CTNNA3: variants seen among roughly 807,000 people sequenced by gnomAD.
CTNNA3 encodes catenin alpha 3.
Under a neutral mutation model 95.7 loss-of-function variants are expected in CTNNA3, and 76 were observed. That is an observed-to-expected ratio of 0.79 (90% CI 0.66 to 0.96). The LOEUF (loss-of-function observed/expected upper bound fraction) is 0.96, where lower values mean the gene tolerates loss of function less well. Among genes scored for constraint, CTNNA3 ranks in the 40% least tolerant of loss-of-function variants. The pLI is 0.00. For missense variants in CTNNA3, 1,191 were observed against 1,089.8 expected, an observed-to-expected ratio of 1.09 and a Z score of -1.31; for synonymous variants, 431 against 374.4, an observed-to-expected ratio of 1.15 and a Z score of -1.74.
chr10:67,359,793 G>A (rs971125135), intron 5 of CTNNA3, among the ~76,000 whole-genome samples: 2 of 152,028 alleles, frequency 1.3e-5, no homozygotes, highest in Non-Finnish European at 2.9e-5. Flanking sequence ...ACCTAGTCCA[G>A]GAAAATTTCC....
chr10:67,505,040 T>C (rs1207850490), intron 5 of CTNNA3, among the ~76,000 whole-genome samples: 43 of 152,342 alleles, frequency 2.8e-4, no homozygotes, highest in South Asian at 2.1e-4. Flanking sequence ...CAACAAAAAC[T>C]TCCTGTCTGA....
At chr10:66,564,846 T>C (rs990738513) in intron 10 of CTNNA3, among the ~76,000 whole-genome samples, 2 of 152,190 alleles carry the variant, frequency 1.3e-5, no homozygotes, top group African/African-American at 4.8e-5. Context: ...GGAAGGGTTA[T>C]TTGTATTTTA....
intron 5 of CTNNA3, among the ~76,000 whole-genome samples, chr10:67,363,965 A>G (rs1843101432): frequency 1.3e-5 from 2 of 152,214 alleles, no homozygotes; most frequent in Non-Finnish European, 2.9e-5. Context: ...AATCCTCCCA[A>G]ACTCATTTTA....
chr10:66,952,724 T>C (rs563709362), intron 7 of CTNNA3, among the ~76,000 whole-genome samples: 3 of 152,196 alleles, frequency 2.0e-5, no homozygotes, highest in Admixed American at 1.3e-4. Context: ...TTATTATCAA[T>C]GTACCCATTA....
At chr10:66,158,392 C>G (rs932135875) in intron 13 of CTNNA3, among the ~76,000 whole-genome samples, 1 of 152,058 alleles carries the variant, frequency 6.6e-6, no homozygotes, top group South Asian at 2.1e-4. Context: ...ATCCTAGTAC[C>G]ATTTGTTGAA....
chr10:66,962,572 G>C (rs1015329436), intron 7 of CTNNA3, among the ~76,000 whole-genome samples: 1 of 151,896 alleles, frequency 6.6e-6, no homozygotes, highest in Admixed American at 6.6e-5. Flanking sequence ...ACCACACCCA[G>C]ATAATTTTTT....
intron 8 of CTNNA3, among the ~76,000 whole-genome samples, chr10:66,774,880 T>G (rs921549635): frequency 1.9e-4 from 29 of 152,340 alleles, no homozygotes; most frequent in African/African-American, 7.0e-4. Flanking sequence ...TAATCCCATG[T>G]TCCTGATGAC....
At chr10:67,122,429 A>T (rs1859516198) in intron 7 of CTNNA3, among the ~76,000 whole-genome samples, 1 of 152,110 alleles carries the variant, frequency 6.6e-6, no homozygotes, top group Admixed American at 6.6e-5. Context: ...CACCAAATGC[A>T]CGCTGAATAC....
intron 9 of CTNNA3, among the ~76,000 whole-genome samples, chr10:66,732,022 G>A (rs1379067610): frequency 6.6e-6 from 1 of 152,190 alleles, no homozygotes; most frequent in Non-Finnish European, 1.5e-5. Context: ...CAAAAACACT[G>A]CTACCAGATT....
chr10:66,333,649 C>G (rs556536491), intron 12 of CTNNA3, among the ~76,000 whole-genome samples: 24 of 151,828 alleles, frequency 1.6e-4, no homozygotes, highest in East Asian at 9.7e-4. Flanking sequence ...TTACTTCCAA[C>G]TATGTGGTCA....
intron 13 of CTNNA3, among the ~76,000 whole-genome samples, chr10:66,267,688 T>C (rs940793615): frequency 1.3e-5 from 2 of 152,156 alleles, no homozygotes; most frequent in African/African-American, 4.8e-5. Flanking sequence ...CTTCTCAATA[T>C]GATGTCTTCT....
intron 6 of CTNNA3, among the ~76,000 whole-genome samples, chr10:67,204,410 C>T (rs1393109671): frequency 6.6e-6 from 1 of 152,110 alleles, no homozygotes; most frequent in Non-Finnish European, 1.5e-5. Context: ...CCATGTAAGA[C>T]ATACCTATTT....
At chr10:66,137,869 G>A (rs975184683) in intron 13 of CTNNA3, among the ~76,000 whole-genome samples, 5 of 152,108 alleles carry the variant, frequency 3.3e-5, no homozygotes, top group Non-Finnish European at 5.9e-5. Flanking sequence ...GGGATGGCTT[G>A]AGTCCAGGAG....
At chr10:67,161,341 A>T (rs1041547134) in intron 7 of CTNNA3, among the ~76,000 whole-genome samples, 1 of 151,864 alleles carries the variant, frequency 6.6e-6, no homozygotes, top group Non-Finnish European at 1.5e-5. Context: ...AAATTAAAAC[A>T]GTCTTACGTG....
rs111920381 is a variant in CTNNA3 at position 66,947,459 on chromosome 10, A to G, written c.1048-171935T>C. On this transcript the variant is annotated intron_variant, in intron 7 of 17. Coordinates refer to ENST00000433211, the MANE Select transcript of CTNNA3 (RefSeq NM_013266.4). ...AGGGGAATGGTTCTGCTTCTTCTAC[A>G]TAACTTTATTTTAAAATGTGTTGTT... is the stretch of plus-strand genomic sequence containing the variant. 1.8e-3 allele frequency among the ~76,000 whole-genome samples: 270 copies of G among 152,284 alleles called. 3 individuals carry two copies. The highest frequency in any genetic ancestry group is 0.014 in the Middle Eastern group (4 of 294).
chr10:66,655,158 T>A (rs911146236), intron 9 of CTNNA3, among the ~76,000 whole-genome samples: 1 of 152,084 alleles, frequency 6.6e-6, no homozygotes, highest in Admixed American at 6.5e-5. Flanking sequence ...CTTTCCACAA[T>A]GTATACATAT....
rs145645302 is a variant in CTNNA3 at position 67,360,965 on chromosome 10, A to T, written c.580-141095T>A. ...AAATGGAAAACAAAAAAGAGCAGTG[A>T]TTGATATTCTTTCATAAGATAAAAC... On this transcript the variant is annotated intron_variant, in intron 5 of 17. Transcript: ENST00000433211. 4.9e-3 allele frequency among the ~76,000 whole-genome samples: 749 copies of T among 152,112 alleles called. 5 individuals are homozygous for T. The highest frequency in any genetic ancestry group is 0.017 in the African/African-American group (700 of 41,522).
intron 11 of CTNNA3, among the ~76,000 whole-genome samples, chr10:66,440,526 T>A (rs1399474022): frequency 6.6e-6 from 1 of 152,176 alleles, no homozygotes. Flanking sequence ...TCTGTCAAAT[T>A]TTCCTTAGGG....
intron 9 of CTNNA3, among the ~76,000 whole-genome samples, chr10:66,683,646 C>CACAA (rs1554834894): frequency 4.6e-4 from 70 of 151,590 alleles, no homozygotes; most frequent in Non-Finnish European, 8.4e-4. Context: ...CATGGGAATG[C>CACAA]TCAAAGCTTT....
Sources: allele counts gnomAD v4.1 joint callset (sites outside exome capture counted in the v4.1 genomes callset), GRCh38; gene constraint gnomAD v4.1.1; transcripts MANE v1.5; gene names NCBI Gene and HGNC (gene_info 2026-07-23, HGNC 2026-07-21).